ASB8: variants seen among roughly 807,000 people sequenced by gnomAD.
ASB8 encodes the protein ankyrin repeat and SOCS box protein 8.
ASB8 carries 15 observed loss-of-function variants against 22.9 expected under a neutral mutation model. The observed-to-expected ratio is 0.66, with a 90% CI of 0.44 to 1.01. The LOEUF is 1.01. Among genes scored for constraint, ASB8 ranks in the 50% least tolerant of loss-of-function variants. ASB8 has a pLI of 0.00. For synonymous variants in ASB8, 124 were observed against 140.8 expected (o/e 0.88, Z 0.84); for missense variants, 294 against 356.9 (o/e 0.82, Z 1.42).
rs548295200 is a variant in ASB8, at chr12:48,153,769, C to T, written c.-33-240G>A. Reference sequence around the variant, plus strand: ...TTTCCCCAAGAGGTACTAAGACCCCCGTGGAGCTCTGTGTGGTTTACAAAC... The same window carrying T: ...TTTCCCCAAGAGGTACTAAGACCCCTGTGGAGCTCTGTGTGGTTTACAAAC... On this transcript the variant is annotated intron_variant, in intron 1 of 3. Transcript: ENST00000317697. The T allele has an allele frequency of 1.1e-3, 276 of 254,156 alleles. 2 individuals are homozygous for T. The South Asian group carries it at 0.017, about 16-fold the overall frequency. 15.7% of individuals were successfully genotyped at this position (254,156 alleles called of 1,614,324 possible). A position where few individuals can be genotyped will look rare whatever the true frequency, so the allele number is the denominator to read the frequency against.
rs1317618396 is a variant in ASB8 at position 48,149,447 on chromosome 12, C to T, written c.786G>A (p.Leu262=). Residue 262 remains leucine (L), a synonymous_variant, in exon 4 of 4, where the codon CTG becomes CTA. Coordinates refer to ENST00000317697, the MANE Select transcript of ASB8 (RefSeq NM_024095.5). The stretch of plus-strand genomic sequence containing the variant: ...CTGCATCGGGGAGATACTGGAGTCC[C>T]AGGCTACGGCGCACGGCATAGCGAG... ...TLARYAVRRS[L]GLQYLPDAVK... 5 of 1,613,990 alleles carry T rather than the reference C, an allele frequency of 3.1e-6. No individual in the cohort carries two copies. Among genetic ancestry groups the T allele is most frequent in the Non-Finnish European group, 4.2e-6 (5 of 1,179,972 alleles).
chr12:48,155,871 G>A (rs747872752), intron 1 of ASB8, among the ~76,000 whole-genome samples: 17 of 150,512 alleles, frequency 1.1e-4, no homozygotes, highest in Non-Finnish European at 2.4e-4. Flanking sequence ...AGCCTCCCAG[G>A]CTCAAGCAAT....
At position 48,153,373 on chromosome 12, in the gene ASB8, T is replaced by C; in HGVS notation, c.124A>G (p.Arg42Gly). 3 of 1,613,992 alleles carry C rather than the reference T, an allele frequency of 1.9e-6. No homozygotes were observed. The highest frequency in any genetic ancestry group is 2.5e-6 in the Non-Finnish European group (3 of 1,179,882). Reference sequence around the variant, plus strand: ...GTCAATACCAGCACACTCACCCCTCTGATGAGGTCCTCTACATTATCATGT... The same window carrying C: ...GTCAATACCAGCACACTCACCCCTCCGATGAGGTCCTCTACATTATCATGT... ...FPHDNVEDLI[R>G]GGADVNCTHG... is the part of the protein sequence containing the mutation. Residue 42 changes from arginine to glycine, a missense_variant, in exon 2 of 4, where the codon AGA (arginine) becomes GGA (glycine). By Grantham distance (125) the Arg-to-Gly change is moderately radical (BLOSUM62 -2). Transcript: ENST00000317697.
rs751925748 is a variant in ASB8 at position 48,149,672 on chromosome 12, G to T, written c.561C>A (p.Pro187=). 2.5e-6 allele frequency: 4 copies of T among 1,614,086 alleles called. No homozygotes were observed. The South Asian group carries it at 4.4e-5, about 18-fold the overall frequency. Residue 187 remains proline (P), a synonymous_variant, in exon 4 of 4, where the codon CCC becomes CCA. Transcript: ENST00000317697. The stretch of plus-strand genomic sequence containing the variant: ...CTAGCAGAGCCACCAGGCGGGAGAT[G>T]GGTGTCTGGCCTATTAGGTTGATGA... ...VRVINLIGQT[P]ISRLVALLVR... is the part of the protein sequence containing the mutation.
chr12:48,153,112 T>C, intron 2 of ASB8: 1 of 406,034 alleles, frequency 2.5e-6, no homozygotes, highest in Non-Finnish European at 4.6e-6. Context: ...TACTCAGATA[T>C]TTTACAAAGA....
At chr12:48,155,454 G>A (rs971077264) in intron 1 of ASB8, among the ~76,000 whole-genome samples, 1 of 152,052 alleles carries the variant, frequency 6.6e-6, no homozygotes, top group Non-Finnish European at 1.5e-5. Flanking sequence ...GGGCGCGATG[G>A]CTCACGCCTG....
At chr12:48,154,670 G>A (rs1255470580) in intron 1 of ASB8, among the ~76,000 whole-genome samples, 1 of 152,108 alleles carries the variant, frequency 6.6e-6, no homozygotes, top group East Asian at 1.9e-4. Flanking sequence ...GGGCGTGGTG[G>A]CTCACACCTG....
chr12:48,154,157 C>T (rs530076834), intron 1 of ASB8, among the ~76,000 whole-genome samples: 7 of 152,260 alleles, frequency 4.6e-5, no homozygotes, highest in African/African-American at 1.7e-4. Context: ...TTATCTGAAA[C>T]ATTTTCAAAT....
intron 2 of ASB8, 116 bp from the exon 3 acceptor site, chr12:48,151,421 C>T: frequency 2.1e-6 from 2 of 967,964 alleles, no homozygotes; most frequent in East Asian, 5.2e-5. Context: ...TTTATAGATA[C>T]AGTGCTAGTT....
At chr12:48,151,512 T>C in intron 2 of ASB8, 1 of 1,304,022 alleles carries the variant, frequency 7.7e-7, no homozygotes, top group Non-Finnish European at 1.1e-6. Flanking sequence ...AACTGTTAAT[T>C]CCTTAGATCA....
At chr12:48,157,124 G>A (rs1454597217) in intron 1 of ASB8, 1 of 152,148 alleles carries the variant, frequency 6.6e-6, no homozygotes, top group East Asian at 1.9e-4. Context: ...CACCGCACCT[G>A]CTGCGGGAGG....
chr12:48,149,090 T>C lies in ASB8; in HGVS notation c.*276A>G. 1 of 461,574 alleles carries C rather than the reference T, an allele frequency of 2.2e-6. No homozygotes were observed. The highest frequency in any genetic ancestry group is 3.9e-6 in the Non-Finnish European group (1 of 259,344). The allele number at this position is 461,574 out of a possible 1,614,324, so 28.6% of individuals were successfully genotyped here. A position where few individuals can be genotyped will look rare whatever the true frequency, so the allele number is the denominator to read the frequency against. On this transcript the variant is annotated 3_prime_UTR_variant, in exon 4 of 4. Transcript: ENST00000317697. ...TTAGTTACACTGTTGACTCCTTCCCTAAAGGGGAGGATTGAGGGAGACCTC... is the reference window on the plus strand; with the variant it reads ...TTAGTTACACTGTTGACTCCTTCCCCAAAGGGGAGGATTGAGGGAGACCTC...
chr12:48,155,443 G>C (rs993344149), intron 1 of ASB8, among the ~76,000 whole-genome samples: 1 of 151,914 alleles, frequency 6.6e-6, no homozygotes, highest in Non-Finnish European at 1.5e-5. Context: ...ATGTTTTGGC[G>C]GGGCGCGATG....
intron 2 of ASB8, chr12:48,152,840 A>T (rs980402038): frequency 9.2e-5 from 13 of 140,852 alleles, no homozygotes; most frequent in East Asian, 4.0e-4. Flanking sequence ...ACAAAAAATT[A>T]AAAAAAAAAA....
At position 48,149,965 on chromosome 12, in the gene ASB8, G is replaced by A; in HGVS notation, c.268C>T (p.Leu90Phe). 4 of 1,613,998 alleles carry A rather than the reference G, an allele frequency of 2.5e-6. No homozygotes were observed. Among genetic ancestry groups the A allele is most frequent in the Non-Finnish European group, 3.4e-6 (4 of 1,179,872 alleles). ...NALDGYNRTALHYAAEKDEAC... is the reference protein window; with the variant it reads ...NALDGYNRTAFHYAAEKDEAC... The stretch of plus-strand genomic sequence containing the variant: ...TCATCTTTCTCTGCTGCATAGTGGA[G>A]GGCTGTTCGGTTATACCCATCCAGG... The change falls in exon 4 of 4, where the codon CTC (leucine) becomes TTC (phenylalanine). Residue 90 changes from leucine to phenylalanine, a missense_variant. By Grantham distance (22) the Leu-to-Phe change is conservative. Coordinates refer to ENST00000317697, the MANE Select transcript of ASB8 (RefSeq NM_024095.5).
Position 48,149,302 on chromosome 12 carries a change from A to G in ASB8, c.*64T>C. 6.8e-7 allele frequency: 1 copy of G among 1,474,412 alleles called. No individual in the cohort carries two copies. Among genetic ancestry groups the G allele is most frequent in the Non-Finnish European group, 9.2e-7 (1 of 1,084,754 alleles). The allele number at this position is 1,474,412 out of a possible 1,614,324, so 91.3% of individuals were successfully genotyped here. A position where few individuals can be genotyped will look rare whatever the true frequency, so the allele number is the denominator to read the frequency against. On this transcript the variant is annotated 3_prime_UTR_variant, in exon 4 of 4. Transcript: ENST00000317697. ...AACTGTTTTTCTGTTTTCTGTGACA[A>G]GGAGTACTGCAGGGACAACCTCACC...
At chr12:48,156,281 A>G (rs1338106927) in intron 1 of ASB8, among the ~76,000 whole-genome samples, 1 of 152,154 alleles carries the variant, frequency 6.6e-6, no homozygotes, top group East Asian at 1.9e-4. Context: ...ACACTTGTTT[A>G]TATGTCTCTA....
intron 2 of ASB8, among the ~76,000 whole-genome samples, chr12:48,152,183 T>C (rs1951214227): frequency 6.6e-6 from 1 of 151,094 alleles, no homozygotes; most frequent in African/African-American, 2.4e-5. Context: ...GAGATGGAGA[T>C]ACCAGTCAGA....
At chr12:48,154,716 T>C (rs113993142) in intron 1 of ASB8, among the ~76,000 whole-genome samples, 2,971 of 152,174 alleles carry the variant, frequency 0.02, 79 homozygotes, top group African/African-American at 0.049. Flanking sequence ...GGTGGGTGGA[T>C]CACCTGAGGT....
Sources: gnomAD v4.1 joint callset for allele counts (sites outside exome capture counted in the v4.1 genomes callset) on GRCh38, gnomAD v4.1.1 for gene constraint, MANE v1.5 for transcripts, NCBI Gene and HGNC (gene_info 2026-07-23, HGNC 2026-07-21) for gene names.